ZNF283: variants seen among roughly 807,000 people sequenced by gnomAD.
The protein encoded by ZNF283 is zinc finger protein 41.
Under a neutral mutation model 9.2 loss-of-function variants are expected in ZNF283, and 10 were observed. The observed-to-expected ratio is 1.09, with a 90% CI of 0.67 to 1.85. ZNF283 has a LOEUF of 1.85. Ranked by LOEUF, ZNF283 falls within the 40% of genes most tolerant of loss-of-function variation. ZNF283 has a pLI of 0.00. For missense variants in ZNF283, 631 were observed against 760.1 expected, an observed-to-expected ratio of 0.83 and a Z score of 2.00; for synonymous variants, 234 against 244.1, an observed-to-expected ratio of 0.96 and a Z score of 0.38.
At chr19:43,842,438 T>A (rs1994414) in intron 6 of ZNF283, among the ~76,000 whole-genome samples, 61,513 of 152,012 alleles carry the variant, frequency 0.4, 12,872 homozygotes, top group South Asian at 0.55. Flanking sequence ...GATGCCATGT[T>A]GTAGTGACTT....
At chr19:43,831,239 A>C (rs1439447262) in intron 2 of ZNF283, 79 bp from the exon 3 acceptor site, 4 of 988,262 alleles carry the variant, frequency 4.0e-6, no homozygotes, top group Non-Finnish European at 6.1e-6. Context: ...ACTCTATACC[A>C]AATACTGTTT....
intron 3 of ZNF283, 47 bp from the exon 4 acceptor site, chr19:43,833,458 T>A: frequency 3.8e-6 from 1 of 262,554 alleles, no homozygotes; most frequent in Non-Finnish European, 7.4e-6. Context: ...ATTCATCTTG[T>A]GTGTTTCTTT....
chr19:43,848,716 A>G lies in ZNF283; in HGVS notation c.*75A>G, dbSNP rs1971530067. 7.1e-7 allele frequency: 1 copy of G among 1,413,322 alleles called. No homozygotes were observed. Among genetic ancestry groups the G allele is most frequent in the Non-Finnish European group, 9.4e-7 (1 of 1,062,960 alleles). The allele number at this position is 1,413,322 out of a possible 1,614,324, so 87.5% of individuals were successfully genotyped here. On this transcript the variant is annotated 3_prime_UTR_variant, in exon 7 of 7. Transcript: ENST00000618787. ...TAATAAGAACTCTTACTCTTGAGAA[A>G]CCTTGTGAATGTAAGGGTTGTGCAA... is the stretch of plus-strand genomic sequence containing the variant.
At chr19:43,837,281 C>T (rs1241486508) in intron 6 of ZNF283, 102 bp downstream of exon 6, 1 of 1,236,748 alleles carries the variant, frequency 8.1e-7, no homozygotes, top group South Asian at 1.6e-5. Flanking sequence ...AGGTGAATTT[C>T]TTCTCCCCCT....
chr19:43,849,944 A>C lies in ZNF283; in HGVS notation c.*1303A>C, dbSNP rs1971558763. ...CAACCGTTTTGAGGAATGAATTCAG[A>C]AAAGCTTCCCATAACCACTCATCCA... is the stretch of plus-strand genomic sequence containing the variant. On this transcript the variant is annotated 3_prime_UTR_variant, in exon 7 of 7. Transcript: ENST00000618787. The C allele has an allele frequency of 1.3e-5, 2 of 152,210 alleles. No homozygotes were observed. Among genetic ancestry groups the C allele is most frequent in the Admixed American group, 6.5e-5 (1 of 15,278 alleles). 9.4% of individuals were successfully genotyped at this position (152,210 alleles called of 1,614,324 possible).
chr19:43,850,797 GC>G lies in ZNF283; in HGVS notation c.*2158del, dbSNP rs1469266742. The G allele has an allele frequency of 1.3e-5, 2 of 152,190 alleles. No homozygotes were observed. The highest frequency in any genetic ancestry group is 6.5e-5 in the Admixed American group (1 of 15,270). 9.4% of individuals were successfully genotyped at this position (152,190 alleles called of 1,614,324 possible). Reference sequence around the variant, plus strand: ...TTCTTGCAACCACTTTCAACCAGGTGCCTGTCATGATTTAGTGCTAGCATCA... The same window carrying G: ...TTCTTGCAACCACTTTCAACCAGGTGCTGTCATGATTTAGTGCTAGCATCA... On this transcript the variant is annotated 3_prime_UTR_variant, in exon 7 of 7. Coordinates refer to ENST00000618787, the MANE Select transcript of ZNF283 (RefSeq NM_181845.2).
In ZNF283 at chr19:43,851,165, A is replaced by G. The variant is rs1971598391; in HGVS notation, c.*2524A>G. 1 of 152,200 alleles carries G rather than the reference A, an allele frequency of 6.6e-6. No individual in the cohort carries two copies. The highest frequency in any genetic ancestry group is 1.5e-5 in the Non-Finnish European group (1 of 68,036). The allele number at this position is 152,200 out of a possible 1,614,324, so 9.4% of individuals were successfully genotyped here. On this transcript the variant is annotated 3_prime_UTR_variant, in exon 7 of 7. Transcript: ENST00000618787. ...AGTACTTTGGGAGTTTTAACAGGAT[A>G]TATTATTGGTAACTGGCTATTATGC...
At chr19:43,845,105 T>G (rs1971354809) in intron 6 of ZNF283, among the ~76,000 whole-genome samples, 1 of 152,162 alleles carries the variant, frequency 6.6e-6, no homozygotes, top group Non-Finnish European at 1.5e-5. Context: ...AGTACATTAT[T>G]GCTGGGACAG....
At position 43,836,865 on chromosome 19, in the gene ZNF283, G is replaced by A. The variant is rs191748367; in HGVS notation, c.211-188G>A. On this transcript the variant is annotated intron_variant, in intron 5 of 6. Transcript: ENST00000618787. The stretch of plus-strand genomic sequence containing the variant: ...TTTTTTCTGCTATAACAAGATTCTC[G>A]TAGAACATGTTGACATCCTGCTTTA... Among the ~76,000 whole-genome samples the A allele has an allele frequency of 1.9e-4, 29 of 152,230 alleles. No homozygotes were observed. The South Asian group carries it at 2.3e-3, about 12-fold the overall frequency.
chr19:43,846,189 G>T (rs759365255), intron 6 of ZNF283, among the ~76,000 whole-genome samples: 3 of 152,020 alleles, frequency 2.0e-5, no homozygotes, highest in Non-Finnish European at 4.4e-5. Context: ...TACAATTACT[G>T]TTGATTTTTA....
chr19:43,842,807 G>GTA (rs1971265712), intron 6 of ZNF283, among the ~76,000 whole-genome samples: 1 of 152,146 alleles, frequency 6.6e-6, no homozygotes, highest in Non-Finnish European at 1.5e-5. Context: ...GCACCAAATA[G>GTA]TACTAGTAAT....
At chr19:43,838,234 G>A (rs1469111687) in intron 6 of ZNF283, among the ~76,000 whole-genome samples, 1 of 152,172 alleles carries the variant, frequency 6.6e-6, no homozygotes, top group Non-Finnish European at 1.5e-5. Context: ...TTCACTCTGA[G>A]TACTTGATTA....
At position 43,847,569 on chromosome 19, in the gene ZNF283, A is replaced by G. The variant is rs1225756124; in HGVS notation, c.968A>G (p.Glu323Gly). Residue 323 changes from glutamate (E) to glycine (G), a missense_variant, in exon 7 of 7, where the codon GAA (glutamate) becomes GGA (glycine). Physicochemically the swap from Glu to Gly is moderately conservative, Grantham distance 98. Coordinates refer to ENST00000618787, the MANE Select transcript of ZNF283 (RefSeq NM_181845.2). ...HTGVKSYKCK[E>G]CGKAFFWGSS... Reference sequence around the variant, plus strand: ...GGTGTGAAATCTTATAAATGTAAGGAATGTGGGAAGGCCTTTTTTTGGGGC... The same window carrying G: ...GGTGTGAAATCTTATAAATGTAAGGGATGTGGGAAGGCCTTTTTTTGGGGC... The G allele has an allele frequency of 6.2e-7, 1 of 1,608,220 alleles. No individual in the cohort carries two copies. The highest frequency in any genetic ancestry group is 8.5e-7 in the Non-Finnish European group (1 of 1,176,584).
At chr19:43,838,551 C>T (rs1418221903) in intron 6 of ZNF283, among the ~76,000 whole-genome samples, 5 of 152,252 alleles carry the variant, frequency 3.3e-5, no homozygotes, top group African/African-American at 9.6e-5. Context: ...ATTGCTTGAA[C>T]CTAAGAGGTT....
At chr19:43,828,737 C>A (rs916751975) in intron 2 of ZNF283, among the ~76,000 whole-genome samples, 1 of 150,246 alleles carries the variant, frequency 6.7e-6, no homozygotes. Flanking sequence ...CTCAGTGCAA[C>A]CTTGAAGTCC....
Position 43,835,592 on chromosome 19 carries a change from T to C in ZNF283, c.210T>C (p.Asp70=). 1.3e-6 allele frequency: 2 copies of C among 1,595,228 alleles called. No individual in the cohort carries two copies. The highest frequency in any genetic ancestry group is 1.3e-5 in the African/African-American group (1 of 74,808). Reference sequence around the variant, plus strand: ...CTTGCAATTCCAGAACCATGACTGATGTAAGTTGGTATTTTTCTCTCCATG... The same window carrying C: ...CTTGCAATTCCAGAACCATGACTGACGTAAGTTGGTATTTTTCTCTCCATG... The part of the protein sequence containing the change: ...ISSCNSRTMT[D]GLVTFRDVAI... The change falls in exon 5 of 7, where the codon GAT becomes GAC. Residue 70 remains aspartate, a splice_region_variant and synonymous_variant. Coordinates refer to ENST00000618787, the MANE Select transcript of ZNF283 (RefSeq NM_181845.2).
chr19:43,845,167 T>A (rs920563409), intron 6 of ZNF283, among the ~76,000 whole-genome samples: 3 of 152,168 alleles, frequency 2.0e-5, no homozygotes, highest in Non-Finnish European at 4.4e-5. Flanking sequence ...AAACTTCTCT[T>A]TTTATTGTCA....
At chr19:43,845,589 A>G (rs17712296) in intron 6 of ZNF283, among the ~76,000 whole-genome samples, 14,332 of 152,218 alleles carry the variant, frequency 0.094, 840 homozygotes, top group Non-Finnish European at 0.13. Flanking sequence ...TAAGGTAGCT[A>G]AAAGCATGAA....
In ZNF283 at chr19:43,848,968, A is replaced by C; in HGVS notation, c.*327A>C. ...ATCAAATAATTGGTATTTGTTAAAA[A>C]GAGTTTAAATAGGAGGAATGTGGGA... On this transcript the variant is annotated 3_prime_UTR_variant, in exon 7 of 7. Transcript: ENST00000618787. 1 of 184,498 alleles carries C rather than the reference A, an allele frequency of 5.4e-6. No individual in the cohort carries two copies. The highest frequency in any genetic ancestry group is 1.1e-5 in the Non-Finnish European group (1 of 88,088). 11.4% of individuals were successfully genotyped at this position (184,498 alleles called of 1,614,324 possible).
Sources: gnomAD v4.1 joint callset for allele counts (sites outside exome capture counted in the v4.1 genomes callset) on GRCh38, gnomAD v4.1.1 for gene constraint, MANE v1.5 for transcripts, NCBI Gene and HGNC (gene_info 2026-07-23, HGNC 2026-07-21) for gene names.